Variants in TENM3 observed in about 807,000 individuals in gnomAD.
TENM3 encodes the protein teneurin transmembrane protein 3, also known as teneurin-3.
Under a neutral mutation model 255.1 loss-of-function variants are expected in TENM3, and 63 were observed. The ratio of observed to expected loss-of-function variants is 0.25; its 90% CI spans 0.20 to 0.30. The LOEUF (loss-of-function observed/expected upper bound fraction) is 0.30. Among genes scored for constraint, TENM3 ranks in the 10% least tolerant of loss-of-function variants. The pLI is 1.00. For synonymous variants in TENM3, 1,306 were observed against 1,322.3 expected, an observed-to-expected ratio of 0.99 and a Z score of 0.27; for missense variants, 2,929 against 3,461.1, an observed-to-expected ratio of 0.85 and a Z score of 3.86.
intron 3 of TENM3, among the ~76,000 whole-genome samples, chr4:182,587,689 A>AT (rs957795581): frequency 1.4e-4 from 21 of 152,112 alleles, no homozygotes; most frequent in African/African-American, 5.1e-4. Flanking sequence ...GGGATTACTG[A>AT]TACGGGCCAC....
the TENM3 span, among the ~76,000 whole-genome samples, chr4:181,697,874 T>C: frequency 6.6e-6 from 1 of 151,942 alleles, no homozygotes; most frequent in East Asian, 1.9e-4. Context: ...TTAGGTATGG[T>C]TTTTGCTCCT....
chr4:182,350,465 AC>A (rs1215190292), intron 3 of TENM3: 2 of 152,230 alleles, frequency 1.3e-5, no homozygotes, highest in African/African-American at 4.8e-5. Context: ...CTTTCTTGGC[AC>A]CCATTGATTG....
chr4:182,361,577 C>A (rs1300534796), intron 3 of TENM3, among the ~76,000 whole-genome samples: 2 of 152,066 alleles, frequency 1.3e-5, no homozygotes, highest in Non-Finnish European at 2.9e-5. Flanking sequence ...CCATCAGCTC[C>A]TTTAAGCACT....
the TENM3 span, among the ~76,000 whole-genome samples, chr4:181,573,733 A>C: frequency 1.3e-5 from 2 of 152,242 alleles, no homozygotes; most frequent in East Asian, 3.9e-4. Flanking sequence ...TAGAAAATCA[A>C]TACTTTAATT....
At chr4:181,486,338 C>T in the TENM3 span, among the ~76,000 whole-genome samples, 10 of 152,216 alleles carry the variant, frequency 6.6e-5, no homozygotes, top group African/African-American at 2.4e-4. Flanking sequence ...GCCACATTCA[C>T]ATTGTCAGCT....
intron 12 of TENM3, among the ~76,000 whole-genome samples, chr4:182,713,095 T>C (rs943900838): frequency 1.3e-5 from 2 of 152,212 alleles, no homozygotes; most frequent in Admixed American, 6.5e-5. Flanking sequence ...GAAACAATTA[T>C]AGATTTTGGA....
the TENM3 span, among the ~76,000 whole-genome samples, chr4:182,089,745 A>G: frequency 6.6e-6 from 1 of 152,220 alleles, no homozygotes; most frequent in Non-Finnish European, 1.5e-5. Context: ...CCTAATTTAT[A>G]ATTATATCTT....
At chr4:182,259,622 A>AT (rs940509079) in intron 1 of TENM3, among the ~76,000 whole-genome samples, 6 of 151,774 alleles carry the variant, frequency 4.0e-5, no homozygotes, top group African/African-American at 7.3e-5. Context: ...ATTTTTTAAC[A>AT]TTTTTTTTAT....
At chr4:182,010,427 T>G in the TENM3 span, among the ~76,000 whole-genome samples, 1 of 151,652 alleles carries the variant, frequency 6.6e-6, no homozygotes, top group Non-Finnish European at 1.5e-5. Context: ...TATTTTTTAT[T>G]TTCATATATA....
intron 4 of TENM3, among the ~76,000 whole-genome samples, chr4:182,613,060 G>A (rs1481769094): frequency 5.3e-5 from 8 of 151,976 alleles, no homozygotes; most frequent in Non-Finnish European, 1.2e-4. Context: ...TTCCTTTCTT[G>A]TGTTTATAGA....
rs189034795 is a variant in TENM3, at chr4:182,381,723, G to A, written c.511+34794G>A. On this transcript the variant is annotated intron_variant, in intron 3 of 27. Transcript: ENST00000511685. ...ATTACGGGCCTGCACCACCACGCCC[G>A]GCTAATTGTGTATTTTTAGTAGAAA... Among the ~76,000 whole-genome samples the A allele has an allele frequency of 2.7e-3, 414 of 152,120 alleles. 1 individual carries two copies. Among genetic ancestry groups the A allele is most frequent in the Non-Finnish European group, 3.5e-3 (237 of 67,998 alleles).
At chr4:182,544,816 C>A (rs1055726306) in intron 3 of TENM3, among the ~76,000 whole-genome samples, 1 of 152,128 alleles carries the variant, frequency 6.6e-6, no homozygotes, top group African/African-American at 2.4e-5. Context: ...CAAATATATG[C>A]CCACACTGTT....
At chr4:182,036,502 G>T in the TENM3 span, among the ~76,000 whole-genome samples, 1 of 152,206 alleles carries the variant, frequency 6.6e-6, no homozygotes, top group South Asian at 2.1e-4. Context: ...ATAATCTAAT[G>T]TCTGTCTCAC....
At chr4:181,719,240 A>T in the TENM3 span, among the ~76,000 whole-genome samples, 25 of 151,070 alleles carry the variant, frequency 1.7e-4, no homozygotes, top group African/African-American at 5.8e-4. Context: ...ATAAATAAAT[A>T]AAATAAAAAT....
the TENM3 span, among the ~76,000 whole-genome samples, chr4:181,904,305 C>T: frequency 3.9e-5 from 6 of 151,980 alleles, no homozygotes; most frequent in African/African-American, 1.2e-4. Flanking sequence ...AGCCTATGAC[C>T]CACCTAGCAG....
chr4:182,220,839 T>G (rs1340061936), intron 1 of TENM3, among the ~76,000 whole-genome samples: 1 of 152,214 alleles, frequency 6.6e-6, no homozygotes, highest in Non-Finnish European at 1.5e-5. Flanking sequence ...TAATATTAAA[T>G]AATAATCAAC....
chr4:181,923,262 A>T, the TENM3 span, among the ~76,000 whole-genome samples: 1 of 151,858 alleles, frequency 6.6e-6, no homozygotes, highest in Non-Finnish European at 1.5e-5. Flanking sequence ...CGCTTGGTGC[A>T]ATTATTAAAC....
At chr4:181,525,924 G>C in the TENM3 span, among the ~76,000 whole-genome samples, 1 of 148,906 alleles carries the variant, frequency 6.7e-6, no homozygotes, top group Middle Eastern at 3.3e-3. Context: ...CCTTGCCTGG[G>C]CTGATTTTTT....
chr4:182,251,205 C>T (rs1757991952), intron 1 of TENM3, among the ~76,000 whole-genome samples: 1 of 152,228 alleles, frequency 6.6e-6, no homozygotes, highest in Non-Finnish European at 1.5e-5. Context: ...CACAGTGGCT[C>T]ATGCCTGTAA....
Sources: gnomAD v4.1 joint callset for allele counts (sites outside exome capture counted in the v4.1 genomes callset) on GRCh38, gnomAD v4.1.1 for gene constraint, MANE v1.5 for transcripts, NCBI Gene and HGNC (gene_info 2026-07-23, HGNC 2026-07-21) for gene names.